ZFP3: variants seen among roughly 807,000 people sequenced by gnomAD.
ZFP3 encodes zinc finger protein 3 homolog.
A neutral mutation model predicts 36.7 loss-of-function variants in ZFP3; 18 were observed. The observed-to-expected ratio is 0.49, with a 90% confidence interval of 0.34 to 0.73. The LOEUF is 0.73. Ranked by LOEUF, ZFP3 falls within the 30% of genes least tolerant of loss-of-function variation. ZFP3 has a pLI of 0.01. For missense variants in ZFP3, 495 were observed against 599.0 expected, an observed-to-expected ratio of 0.83 and a Z score of 1.81; for synonymous variants, 218 against 199.0, an observed-to-expected ratio of 1.10 and a Z score of -0.81.
rs140864706 is a variant in ZFP3 at position 5,083,456 on chromosome 17, C to T, written c.-9+4881C>T. ...CCTGTAATCCCAGCTACTTGGGAGG[C>T]TGAGGCAGGAGAATTGCTTGAACCC... On this transcript the variant is annotated intron_variant, in intron 1 of 1. Transcript: ENST00000318833. 3.0e-4 allele frequency among the ~76,000 whole-genome samples: 46 copies of T among 151,382 alleles called. No individual in the cohort carries two copies. In the East Asian group the frequency reaches 6.8e-3, roughly 22 times the overall value.
At position 5,093,202 on chromosome 17, in the gene ZFP3, G is replaced by A; in HGVS notation, c.*189G>A. On this transcript the variant is annotated 3_prime_UTR_variant, in exon 2 of 2. Transcript: ENST00000318833. The stretch of plus-strand genomic sequence containing the variant: ...TTTTTTTTTTTTTTTTTAAGCATTG[G>A]GGTCTTGCTCTGTTGCCCAGGATGG... 1 of 592,882 alleles carries A rather than the reference G, an allele frequency of 1.7e-6. No homozygotes were observed. The highest frequency in any genetic ancestry group is 2.8e-6 in the Non-Finnish European group (1 of 352,012). The allele number at this position is 592,882 out of a possible 1,614,324, so 36.7% of individuals were successfully genotyped here. A position where few individuals can be genotyped will look rare whatever the true frequency, so the allele number is the denominator to read the frequency against.
chr17:5,092,878 T>C lies in ZFP3; in HGVS notation c.1374T>C (p.Phe458=), dbSNP rs777830906. Residue 458 remains phenylalanine (F), a synonymous_variant, in exon 2 of 2, where the codon TTT becomes TTC. Transcript: ENST00000318833. This position sits in a 1 kb window ranked among gnomAD's most constrained non-coding sequence, Gnocchi z 5.0. ...AATGTAGCGAGTGTGAGAAAACATT[T>C]AGCCAGCATTCCCAACTTATCATAC... ...PYECSECEKT[F]SQHSQLIIHQ... 3.2e-5 allele frequency: 52 copies of C among 1,613,872 alleles called. No individual in the cohort carries two copies. In the Admixed American group the frequency reaches 8.5e-4, roughly 26 times the overall value.
intron 1 of ZFP3, among the ~76,000 whole-genome samples, chr17:5,087,077 A>ATT (rs35379036): frequency 0.017 from 1,690 of 101,516 alleles, 92 homozygotes; most frequent in African/African-American, 0.039. Flanking sequence ...ACTGCATTTG[A>ATT]TTTTTTTTTT....
rs928831014 is a variant in ZFP3 at position 5,094,464 on chromosome 17, C to T, written c.*1451C>T. 4 of 167,070 alleles carry T rather than the reference C, an allele frequency of 2.4e-5. No homozygotes were observed. The highest frequency in any genetic ancestry group is 5.9e-5 in the Non-Finnish European group (4 of 68,124). The allele number at this position is 167,070 out of a possible 1,614,324, so 10.3% of individuals were successfully genotyped here. A position where few individuals can be genotyped will look rare whatever the true frequency, so the allele number is the denominator to read the frequency against. On this transcript the variant is annotated 3_prime_UTR_variant, in exon 2 of 2. Transcript: ENST00000318833. ...TCCATGTTTCTGAGGCCGTGGGTGA[C>T]AGTGGGAATTGCACTAATGGGGGCC...
In ZFP3 at chr17:5,095,150, G is replaced by C. The variant is rs2072173855; in HGVS notation, c.*2137G>C. On this transcript the variant is annotated 3_prime_UTR_variant, in exon 2 of 2. Transcript: ENST00000318833. ...GTCCTTGGTAACAGAACTGATCACA[G>C]CCAAAAAAAATTCACCAAATGGGTT... is the stretch of plus-strand genomic sequence containing the variant. 1 of 166,974 alleles carries C rather than the reference G, an allele frequency of 6.0e-6. No individual in the cohort carries two copies. The highest frequency in any genetic ancestry group is 2.4e-5 in the African/African-American group (1 of 41,418). 10.3% of individuals were successfully genotyped at this position (166,974 alleles called of 1,614,324 possible). A position where few individuals can be genotyped will look rare whatever the true frequency, so the allele number is the denominator to read the frequency against.
At chr17:5,087,815 G>A (rs970019805) in intron 1 of ZFP3, among the ~76,000 whole-genome samples, 1 of 152,164 alleles carries the variant, frequency 6.6e-6, no homozygotes, top group South Asian at 2.1e-4. Context: ...CTGCCCTTTC[G>A]TCCCTGCTTC....
At position 5,092,209 on chromosome 17, in the gene ZFP3, T is replaced by G. The variant is rs186633035; in HGVS notation, c.705T>G (p.Ser235Arg). 1 of 1,613,922 alleles carries G rather than the reference T, an allele frequency of 6.2e-7. No homozygotes were observed. The highest frequency in any genetic ancestry group is 1.7e-5 in the Admixed American group (1 of 59,990). The change falls in exon 2 of 2, where the codon AGT (serine) becomes AGG (arginine). Residue 235 changes from serine (S) to arginine (R), a missense_variant. Ser to Arg is a moderately radical substitution (Grantham distance 110). This residue lies in a region of ZFP3 where 103 missense variants were observed against 186.8 expected (regional missense o/e 0.55). Transcript: ENST00000318833. This position sits in a 1 kb window ranked among gnomAD's most constrained non-coding sequence, Gnocchi z 5.0. Reference sequence around the variant, plus strand: ...GTGAAGAATGTGGTAAAGCCTTCAGTCAAAATTCAGCCCTTATTCTACACC... The same window carrying G: ...GTGAAGAATGTGGTAAAGCCTTCAGGCAAAATTCAGCCCTTATTCTACACC... ...YKCEECGKAF[S>R]QNSALILHQR...
intron 1 of ZFP3, among the ~76,000 whole-genome samples, chr17:5,087,382 C>T (rs551328109): frequency 1.3e-3 from 199 of 152,260 alleles, no homozygotes; most frequent in African/African-American, 4.4e-3. Context: ...CTAGCCTTCA[C>T]TCGATATTTT....
Position 5,095,676 on chromosome 17 carries a change from A to C in ZFP3, c.*2663A>C, listed in dbSNP as rs1204314748. On this transcript the variant is annotated 3_prime_UTR_variant, in exon 2 of 2. Coordinates refer to ENST00000318833, the MANE Select transcript of ZFP3 (RefSeq NM_153018.3). ...TTCTCAGAAGTACCTTACTGGCCAA[A>C]CCAATGAAGGTTTTCCTCTTGTCCT... 1 of 166,408 alleles carries C rather than the reference A, an allele frequency of 6.0e-6. No homozygotes were observed. The highest frequency in any genetic ancestry group is 2.4e-5 in the African/African-American group (1 of 41,156). 10.3% of individuals were successfully genotyped at this position (166,408 alleles called of 1,614,324 possible).
chr17:5,089,005 C>T (rs1399943556), intron 1 of ZFP3, among the ~76,000 whole-genome samples: 1 of 152,192 alleles, frequency 6.6e-6, no homozygotes, highest in Non-Finnish European at 1.5e-5. Context: ...GCAAAGGCCA[C>T]TTTAATATTA....
At chr17:5,086,902 G>A (rs1434444628) in intron 1 of ZFP3, among the ~76,000 whole-genome samples, 1 of 149,488 alleles carries the variant, frequency 6.7e-6, no homozygotes, top group Non-Finnish European at 1.5e-5. Flanking sequence ...TCCTTTTTTT[G>A]TACTTTTAGT....
At chr17:5,086,771 A>G (rs1597905056) in intron 1 of ZFP3, among the ~76,000 whole-genome samples, 1 of 128,614 alleles carries the variant, frequency 7.8e-6, no homozygotes, top group Non-Finnish European at 1.5e-5. Context: ...TCTGTCACCC[A>G]GGCTGGAGTG....
At chr17:5,083,541 A>G (rs1169987190) in intron 1 of ZFP3, among the ~76,000 whole-genome samples, 5 of 111,152 alleles carry the variant, frequency 4.5e-5, no homozygotes, top group African/African-American at 8.7e-5. Flanking sequence ...GTGAAACTCT[A>G]TCTCAAAAAA....
intron 1 of ZFP3, among the ~76,000 whole-genome samples, chr17:5,087,487 TTCC>T (rs1388477444): frequency 6.6e-6 from 1 of 152,198 alleles, no homozygotes; most frequent in African/African-American, 2.4e-5. Context: ...GCTCATTCTC[TTCC>T]TCTACTCACC....
In ZFP3 at chr17:5,091,957, T is replaced by G. The variant is rs139263688; in HGVS notation, c.453T>G (p.Asn151Lys). ...HTCKECGKAF[N>K]QNSHLIQHMR... ...GTAAAGAATGTGGGAAAGCCTTTAA[T>G]CAGAACTCACATCTCATCCAGCATA... Residue 151 changes from asparagine (N) to lysine (K), a missense_variant, in exon 2 of 2, where the codon AAT becomes AAG. By Grantham distance (94) the Asn-to-Lys change is moderately conservative. This residue lies in a region of ZFP3 where 229 missense variants were observed against 233.8 expected (regional missense o/e 0.98). Transcript: ENST00000318833. The G allele has an allele frequency of 1.7e-5, 27 of 1,614,108 alleles. No individual in the cohort carries two copies. Among genetic ancestry groups the G allele is most frequent in the Non-Finnish European group, 2.2e-5 (26 of 1,179,992 alleles).
intron 1 of ZFP3, among the ~76,000 whole-genome samples, chr17:5,086,103 C>T (rs1049521910): frequency 6.6e-6 from 1 of 152,200 alleles, no homozygotes; most frequent in South Asian, 2.1e-4. Flanking sequence ...TTTAGGTGCC[C>T]TCTCTTACTT....
chr17:5,092,344 C>G lies in ZFP3; in HGVS notation c.840C>G (p.Tyr280Ter), dbSNP rs749942362. 6.2e-7 allele frequency: 1 copy of G among 1,614,094 alleles called. No homozygotes were observed. Among genetic ancestry groups the G allele is most frequent in the Admixed American group, 1.7e-5 (1 of 60,010 alleles). ...AGAGAATTCATACTGAAGAAAGATA[C>G]CATGAATGCAATGAGTGTGGCAAAG... ...QHQRIHTEER[Y>*]HECNECGKAF... is the part of the protein sequence containing the mutation. The change falls in exon 2 of 2, where the codon TAC (tyrosine) becomes TAG (stop). Residue 280 changes from tyrosine (Y) to a stop codon, truncating the protein, a stop_gained. Transcript: ENST00000318833. LOFTEE classifies it high-confidence loss of function. The surrounding 1 kb of genome is among the most constrained non-coding windows in gnomAD (Gnocchi z 5.0).
Position 5,093,150 on chromosome 17 carries a change from ATAGT to A in ZFP3, c.*139_*142del, listed in dbSNP as rs890596653. The A allele has an allele frequency of 4.0e-6, 4 of 989,790 alleles. No homozygotes were observed. The highest frequency in any genetic ancestry group is 3.4e-5 in the African/African-American group (2 of 59,106). The allele number at this position is 989,790 out of a possible 1,614,324, so 61.3% of individuals were successfully genotyped here. A position where few individuals can be genotyped will look rare whatever the true frequency, so the allele number is the denominator to read the frequency against. ...TCCTCTGTCCTCCCACTGATTTTAAATAGTTGGTTGAAGAAGATGAGGCACTTTT... is the reference window on the plus strand; with the variant it reads ...TCCTCTGTCCTCCCACTGATTTTAAATGGTTGAAGAAGATGAGGCACTTTT... On this transcript the variant is annotated 3_prime_UTR_variant, in exon 2 of 2. Coordinates refer to ENST00000318833, the MANE Select transcript of ZFP3 (RefSeq NM_153018.3).
At chr17:5,083,375 C>T (rs1047485523) in intron 1 of ZFP3, among the ~76,000 whole-genome samples, 1 of 151,948 alleles carries the variant, frequency 6.6e-6, no homozygotes, top group African/African-American at 2.4e-5. Flanking sequence ...CTAACCAACA[C>T]GGAGAAACCC....
Sources: allele counts gnomAD v4.1 joint callset (sites outside exome capture counted in the v4.1 genomes callset), GRCh38; gene constraint gnomAD v4.1.1; regional missense constraint gnomAD v4.1.1; non-coding constraint Gnocchi (gnomAD v3.1); transcripts MANE v1.5; gene names NCBI Gene and HGNC (gene_info 2026-07-23, HGNC 2026-07-21).